SPATA24: variants seen among roughly 807,000 people sequenced by gnomAD.
SPATA24 encodes spermatogenesis-associated protein 24.
A neutral mutation model predicts 28.9 loss-of-function variants in SPATA24; 21 were observed. The ratio of observed to expected loss-of-function variants is 0.73; its 90% CI spans 0.52 to 1.05. SPATA24 has a LOEUF of 1.05. SPATA24 is among the 50% of genes least tolerant of loss of function. SPATA24 has a pLI of 0.00. For missense variants in SPATA24, 215 were observed against 242.9 expected, an observed-to-expected ratio of 0.88 and a Z score of 0.76; for synonymous variants, 76 against 89.9, an observed-to-expected ratio of 0.85 and a Z score of 0.88.
downstream of SPATA24, chr5:139,392,820 G>C: frequency 6.6e-7 from 1 of 1,518,644 alleles, no homozygotes; most frequent in Admixed American, 2.2e-5. The surrounding 1 kb of genome is among the most constrained non-coding windows in gnomAD (Gnocchi z 5.8). Flanking sequence ...CTCCAGGGCC[G>C]CGCGCTCGCA....
At chr5:139,397,956 T>G (rs1438557059) in intron 4 of SPATA24, among the ~76,000 whole-genome samples, 1 of 152,258 alleles carries the variant, frequency 6.6e-6, no homozygotes, top group Non-Finnish European at 1.5e-5. Context: ...ACAAGGATCT[T>G]TGTTTTATTC....
downstream of SPATA24, chr5:139,395,535 T>C (rs112698578): frequency 4.8e-3 from 785 of 163,058 alleles, 7 homozygotes; most frequent in African/African-American, 0.018. Context: ...AGCAATTTCA[T>C]CTTCCCCTCA....
downstream of SPATA24, chr5:139,394,711 G>T: frequency 1.3e-6 from 2 of 1,533,050 alleles, no homozygotes; most frequent in Non-Finnish European, 1.7e-6. Flanking sequence ...GTCTGCGCCG[G>T]AGCAGCCGAA....
rs567373104 is a variant in SPATA24, at chr5:139,398,577, TAATA to T, written c.386-1438_386-1435del. On this transcript the variant is annotated intron_variant, in intron 4 of 5. Transcript: ENST00000450845. ...GACAGAGCAAGACCCTGTCTCTAAA[TAATA>T]AATAAATAAATAAATGATAATTTTT... is the stretch of plus-strand genomic sequence containing the variant. Among the ~76,000 whole-genome samples, 964 of 150,912 alleles carry T rather than the reference TAATA, an allele frequency of 6.4e-3. 6 individuals are homozygous for T. Among genetic ancestry groups the T allele is most frequent in the Middle Eastern group, 0.028 (8 of 284 alleles).
downstream of SPATA24, chr5:139,394,709 C>T (rs950894759): frequency 1.2e-4 from 185 of 1,532,828 alleles, no homozygotes; most frequent in African/African-American, 4.3e-4. Context: ...TCGTCTGCGC[C>T]GGAGCAGCCG....
chr5:139,401,049 C>T (rs1379781804), intron 4 of SPATA24, among the ~76,000 whole-genome samples: 3 of 151,890 alleles, frequency 2.0e-5, no homozygotes, highest in Admixed American at 1.3e-4. Context: ...CCTAGCTACT[C>T]GGGAGGCTGC....
intron 4 of SPATA24, among the ~76,000 whole-genome samples, chr5:139,399,267 A>G (rs1323235229): frequency 6.6e-6 from 1 of 150,840 alleles, no homozygotes; most frequent in African/African-American, 2.4e-5. Flanking sequence ...CAGTGAGCCG[A>G]GATCTCGACA....
chr5:139,400,725 C>T (rs979912074), intron 4 of SPATA24, among the ~76,000 whole-genome samples: 1 of 152,130 alleles, frequency 6.6e-6, no homozygotes, highest in African/African-American at 2.4e-5. Flanking sequence ...ACCAACTGAG[C>T]CAAAAAAGTG....
downstream of SPATA24, chr5:139,392,712 G>T (rs1165097566): frequency 7.1e-6 from 10 of 1,406,418 alleles, no homozygotes; most frequent in Non-Finnish European, 9.3e-6. This position sits in a 1 kb window ranked among gnomAD's most constrained non-coding sequence, Gnocchi z 5.8. Flanking sequence ...CTGGCCCTAC[G>T]GGGGAGCGCT....
In SPATA24 at chr5:139,401,779, C is replaced by T; in HGVS notation, c.361G>A (p.Asp121Asn). The T allele has an allele frequency of 1.3e-6, 2 of 1,551,668 alleles. No homozygotes were observed. The highest frequency in any genetic ancestry group is 1.7e-6 in the Non-Finnish European group (2 of 1,147,006). ...CCATTGCACTTGGTGATGAGCTGGT[C>T]CTTCTTGCTGGACTCCTGAAGGACT... ...SKVLQESSKKDQLITKCNEIE... is the reference protein window; with the variant it reads ...SKVLQESSKKNQLITKCNEIE... Residue 121 changes from aspartate to asparagine, a missense_variant, in exon 4 of 6, where the codon GAC becomes AAC. Transcript: ENST00000450845.
chr5:139,395,163 A>G, downstream of SPATA24: 2 of 1,311,712 alleles, frequency 1.5e-6, no homozygotes, highest in Non-Finnish European at 2.0e-6. Flanking sequence ...CCGCCCGAGG[A>G]TGCCGTGGGG....
At chr5:139,393,488 C>T, downstream of SPATA24, 2 of 1,551,596 alleles carry the variant, frequency 1.3e-6, no homozygotes. Context: ...TGAGTAAATG[C>T]TATCGATGAG....
At chr5:139,398,290 C>T (rs927674717) in intron 4 of SPATA24, among the ~76,000 whole-genome samples, 1 of 152,072 alleles carries the variant, frequency 6.6e-6, no homozygotes. Context: ...AAGCCTACCC[C>T]CAAATTAATC....
At chr5:139,393,239 C>T (rs912228807), downstream of SPATA24, 1 of 1,549,144 alleles carries the variant, frequency 6.5e-7, no homozygotes, top group Admixed American at 2.0e-5. Context: ...CGCGGGCGTC[C>T]CGAGGCCGCC....
At chr5:139,393,183 G>C (rs1384315527), downstream of SPATA24, 2 of 1,549,544 alleles carry the variant, frequency 1.3e-6, no homozygotes, top group Admixed American at 3.9e-5. Flanking sequence ...GCGCGTACGT[G>C]GTCTTCACCA....
chr5:139,393,466 T>C (rs777860665), downstream of SPATA24: 5 of 1,551,624 alleles, frequency 3.2e-6, no homozygotes, highest in Admixed American at 3.9e-5. Context: ...AGTTAACCCA[T>C]TCTGAGCTTC....
downstream of SPATA24, chr5:139,396,284 G>A (rs1758703888): frequency 8.1e-6 from 8 of 985,312 alleles, no homozygotes; most frequent in Middle Eastern, 5.2e-4. Flanking sequence ...TGCAACTTGT[G>A]CAAATTGAGG....
At chr5:139,393,629 C>A, downstream of SPATA24, 3 of 1,550,664 alleles carry the variant, frequency 1.9e-6, no homozygotes, top group Non-Finnish European at 2.6e-6. Context: ...TCCGCGACTG[C>A]CGAATGTGGA....
intron 1 of SPATA24, 24 bp downstream of exon 1, chr5:139,403,920 C>T: frequency 6.5e-7 from 1 of 1,544,198 alleles, no homozygotes; most frequent in Admixed American, 2.0e-5. Flanking sequence ...CCCCGCCTCT[C>T]CCCAAACTCC....
Sources: allele counts gnomAD v4.1 joint callset (sites outside exome capture counted in the v4.1 genomes callset), GRCh38; gene constraint gnomAD v4.1.1; non-coding constraint Gnocchi (gnomAD v3.1); transcripts MANE v1.5; gene names NCBI Gene and HGNC (gene_info 2026-07-23, HGNC 2026-07-21).